Variants in GREB1 observed in about 807,000 individuals in gnomAD.
GREB1 encodes protein GREB1.
Under a neutral mutation model 200.7 loss-of-function variants are expected in GREB1, and 106 were observed. The observed-to-expected ratio is 0.53, with a 90% CI of 0.45 to 0.62. The LOEUF (loss-of-function observed/expected upper bound fraction) is 0.62, where lower values mean the gene tolerates loss of function less well. Among genes scored for constraint, GREB1 ranks in the 20% least tolerant of loss-of-function variants. GREB1 has a pLI of 0.00. For synonymous variants in GREB1, 1,132 were observed against 1,092.4 expected (o/e 1.04, Z -0.72); for missense variants, 2,243 against 2,556.8 (o/e 0.88, Z 2.65).
intron 25 of GREB1, among the ~76,000 whole-genome samples, chr2:11,628,407 G>A (rs1248224643): frequency 6.6e-6 from 1 of 152,166 alleles, no homozygotes; most frequent in Non-Finnish European, 1.5e-5. Context: ...TGAGGCAAGA[G>A]CACTGGCCTC....
intron 5 of GREB1, 32 bp downstream of exon 5, chr2:11,576,567 A>C (rs773882651): frequency 6.3e-7 from 1 of 1,575,628 alleles, no homozygotes. Context: ...GAGGTATGGG[A>C]GTGCTGGGCC....
At chr2:11,509,262 T>C (rs1193420700) in intron 1 of GREB1, among the ~76,000 whole-genome samples, 1 of 152,098 alleles carries the variant, frequency 6.6e-6, no homozygotes, top group Non-Finnish European at 1.5e-5. Context: ...GCTTTTATCA[T>C]GGAAAAATTT....
chr2:11,535,915 C>T (rs1674271622), intron 1 of GREB1, among the ~76,000 whole-genome samples: 1 of 150,162 alleles, frequency 6.7e-6, no homozygotes, highest in African/African-American at 2.4e-5. Flanking sequence ...GCCCTGAACT[C>T]TTTTTTTTTT....
In GREB1 at chr2:11,610,902, G is replaced by T. The variant is rs1221557037; in HGVS notation, c.2881G>T (p.Val961Leu). The T allele has an allele frequency of 6.2e-7, 1 of 1,612,902 alleles. No homozygotes were observed. The highest frequency in any genetic ancestry group is 8.5e-7 in the Non-Finnish European group (1 of 1,179,786). ...GCGGGTGCCCTGTTCGCCCCTGGCGGTGGTGGCCTATGAGCGGCTGGCCCA... is the reference window on the plus strand; with the variant it reads ...GCGGGTGCCCTGTTCGCCCCTGGCGTTGGTGGCCTATGAGCGGCTGGCCCA... The part of the protein sequence containing the change: ...LLRVPCSPLA[V>L]VAYERLAHVR... Residue 961 changes from valine (V) to leucine (L), a missense_variant, in exon 18 of 33, where the codon GTG becomes TTG. This residue lies in a region of GREB1 where 1,178 missense variants were observed against 1,387.4 expected (regional missense o/e 0.85). Coordinates refer to ENST00000381486, the MANE Select transcript of GREB1 (RefSeq NM_014668.4).
chr2:11,566,607 C>A lies in GREB1; in HGVS notation c.405C>A (p.Ala135=). Residue 135 remains alanine (A), a synonymous_variant, in exon 4 of 33, where the codon GCC becomes GCA. Transcript: ENST00000381486. Reference sequence around the variant, plus strand: ...TGCCGGACCATCTCCTGGTGTGCGCCGTTGACAAGAGGTTCTTGCCAGATG... The same window carrying A: ...TGCCGGACCATCTCCTGGTGTGCGCAGTTGACAAGAGGTTCTTGCCAGATG... ...PSLPDHLLVC[A]VDKRFLPDDN... 1.2e-6 allele frequency: 2 copies of A among 1,614,030 alleles called. No homozygotes were observed. Among genetic ancestry groups the A allele is most frequent in the Non-Finnish European group, 1.7e-6 (2 of 1,179,964 alleles).
chr2:11,626,930 G>C (rs1410751286), intron 24 of GREB1, 32 bp from the exon 25 acceptor site: 3 of 1,613,308 alleles, frequency 1.9e-6, no homozygotes, highest in Non-Finnish European at 2.5e-6. Flanking sequence ...TTTGCTCCCT[G>C]CTGCTTTTTA....
chr2:11,611,789 C>T lies in GREB1; in HGVS notation c.3007-706C>T, dbSNP rs1169888441. 3.3e-5 allele frequency among the ~76,000 whole-genome samples: 5 copies of T among 152,178 alleles called. No homozygotes were observed. In the East Asian group the frequency reaches 7.7e-4, roughly 23 times the overall value. ...CACAGCGCCTGGCCCATAGTAGGTTCTCACTCAATCTGCAGGTGACAGAAA... is the reference window on the plus strand; with the variant it reads ...CACAGCGCCTGGCCCATAGTAGGTTTTCACTCAATCTGCAGGTGACAGAAA... On this transcript the variant is annotated intron_variant, in intron 18 of 32. Coordinates refer to ENST00000381486, the MANE Select transcript of GREB1 (RefSeq NM_014668.4).
At chr2:11,595,134 C>A in intron 11 of GREB1, 117 bp from the exon 12 acceptor site, 1 of 904,252 alleles carries the variant, frequency 1.1e-6, no homozygotes, top group South Asian at 1.8e-5. Flanking sequence ...CAGCTGTTAG[C>A]CACAGATTCC....
At chr2:11,617,120 G>C (rs1429114197) in intron 21 of GREB1, among the ~76,000 whole-genome samples, 1 of 152,234 alleles carries the variant, frequency 6.6e-6, no homozygotes, top group African/African-American at 2.4e-5. Context: ...TAGACATGGA[G>C]ACTTCACTGG....
At chr2:11,487,377 A>C (rs920709061) in intron 1 of GREB1, among the ~76,000 whole-genome samples, 1 of 152,218 alleles carries the variant, frequency 6.6e-6, no homozygotes, top group African/African-American at 2.4e-5. Context: ...GCCACTGTTC[A>C]ACCCCGTAGG....
chr2:11,581,135 A>G, intron 7 of GREB1: 2 of 598,698 alleles, frequency 3.3e-6, no homozygotes, highest in South Asian at 2.0e-5. Flanking sequence ...TTTTGGAGCA[A>G]TAGTGGGCAG....
At chr2:11,561,050 C>G (rs1302483688) in intron 2 of GREB1, 1 of 152,234 alleles carries the variant, frequency 6.6e-6, no homozygotes, top group Non-Finnish European at 1.5e-5. Flanking sequence ...CCTGCCGGAG[C>G]TGAGAGAATT....
intron 5 of GREB1, among the ~76,000 whole-genome samples, chr2:11,577,636 CTG>C (rs899523013): frequency 6.6e-6 from 1 of 152,208 alleles, no homozygotes; most frequent in Non-Finnish European, 1.5e-5. Flanking sequence ...CCTCCCTTGT[CTG>C]TGTTTGTTCC....
At chr2:11,575,386 A>C (rs945295607) in intron 4 of GREB1, among the ~76,000 whole-genome samples, 2 of 152,246 alleles carry the variant, frequency 1.3e-5, no homozygotes, top group African/African-American at 2.4e-5. Flanking sequence ...TATGGTCTGA[A>C]TAGGCTTTAC....
intron 17 of GREB1, among the ~76,000 whole-genome samples, chr2:11,604,694 G>A (rs749472748): frequency 2.0e-5 from 3 of 152,208 alleles, no homozygotes; most frequent in Non-Finnish European, 4.4e-5. Flanking sequence ...CATGCAGCCT[G>A]TTGGTGGCAA....
At position 11,548,360 on chromosome 2, in the gene GREB1, A is replaced by G. The variant is rs1675500094; in HGVS notation, c.-161-8094A>G. Among the ~76,000 whole-genome samples the G allele has an allele frequency of 6.9e-6, 1 of 145,236 alleles. No individual in the cohort carries two copies. The highest frequency in any genetic ancestry group is 1.5e-5 in the Non-Finnish European group (1 of 67,966). ...CGTGCACACATGCATATACCCCAAC[A>G]CAGATGCACACACATACACACACCC... On this transcript the variant is annotated intron_variant, in intron 1 of 32. Transcript: ENST00000381486. The surrounding 1 kb of genome is among the most constrained non-coding windows in gnomAD (Gnocchi z 5.1).
intron 22 of GREB1, among the ~76,000 whole-genome samples, chr2:11,620,040 G>T (rs775620053): frequency 6.6e-6 from 1 of 152,142 alleles, no homozygotes; most frequent in African/African-American, 2.4e-5. Flanking sequence ...GCAGTGGCAC[G>T]ATCTCAGCTC....
Position 11,618,667 on chromosome 2 carries a change from C to G in GREB1, c.3792C>G (p.Leu1264=), listed in dbSNP as rs562270590. 2.5e-6 allele frequency: 4 copies of G among 1,613,674 alleles called. No homozygotes were observed. The highest frequency in any genetic ancestry group is 1.7e-6 in the Non-Finnish European group (2 of 1,179,990). ...RQPPIVFLPK[L]VYDMVVSTDS... ...CACCCATTGTCTTCTTGCCCAAGCTCGTGTACGACATGGTTGTGTCCACTG... is the reference window on the plus strand; with the variant it reads ...CACCCATTGTCTTCTTGCCCAAGCTGGTGTACGACATGGTTGTGTCCACTG... Residue 1264 remains leucine, a synonymous_variant, in exon 22 of 33, where the codon CTC becomes CTG. Coordinates refer to ENST00000381486, the MANE Select transcript of GREB1 (RefSeq NM_014668.4).
At position 11,591,505 on chromosome 2, in the gene GREB1, T is replaced by C. The variant is rs987343110; in HGVS notation, c.1346-1271T>C. On this transcript the variant is annotated intron_variant, in intron 10 of 32. Coordinates refer to ENST00000381486, the MANE Select transcript of GREB1 (RefSeq NM_014668.4). ...TCAGTCTCACTCATCATCAAAGACATGCAAATCACAAATCAAGTCATCTTT... is the reference window on the plus strand; with the variant it reads ...TCAGTCTCACTCATCATCAAAGACACGCAAATCACAAATCAAGTCATCTTT... 33 of 710,688 alleles carry C rather than the reference T, an allele frequency of 4.6e-5. No individual in the cohort carries two copies. The East Asian group carries it at 8.9e-4, about 19-fold the overall frequency. The allele number at this position is 710,688 out of a possible 1,614,324, so 44.0% of individuals were successfully genotyped here.
Sources: gnomAD v4.1 joint callset for allele counts (sites outside exome capture counted in the v4.1 genomes callset) on GRCh38, gnomAD v4.1.1 for gene constraint, gnomAD v4.1.1 regional missense constraint, Gnocchi (gnomAD v3.1) non-coding constraint, MANE v1.5 for transcripts, NCBI Gene and HGNC (gene_info 2026-07-23, HGNC 2026-07-21) for gene names.